The following COL11A1 variants were observed in gnomAD, a reference collection of about 807,000 sequenced individuals.
The protein encoded by COL11A1 is collagen alpha-1(XI) chain.
A neutral mutation model predicts 265.2 loss-of-function variants in COL11A1; 74 were observed. The ratio of observed to expected loss-of-function variants is 0.28; its 90% CI spans 0.23 to 0.34. The LOEUF (loss-of-function observed/expected upper bound fraction) is 0.34. Ranked by LOEUF, COL11A1 falls within the 10% of genes least tolerant of loss-of-function variation. The pLI, the probability that COL11A1 is intolerant of heterozygous loss-of-function variation, is 1.00. For synonymous variants in COL11A1, 816 were observed against 727.6 expected (o/e 1.12, Z -1.96); for missense variants, 2,165 against 2,263.6 (o/e 0.96, Z 0.88).
intron 66 of COL11A1, 122 bp from the exon 67 acceptor site, chr1:102,878,287 A>ATTTGT: frequency 7.7e-6 from 6 of 784,126 alleles, no homozygotes; most frequent in Non-Finnish European, 1.2e-5. Context: ...AGAAAAACAA[A>ATTTGT]TTTTCTATTA....
chr1:102,939,151 C>A (rs373340773), intron 43 of COL11A1, 63 bp from the exon 44 acceptor site: 6 of 1,363,728 alleles, frequency 4.4e-6, no homozygotes, highest in Non-Finnish European at 6.3e-6. Context: ...TCTTAATTAT[C>A]ATCAAACAGT....
intron 41 of COL11A1, among the ~76,000 whole-genome samples, chr1:102,951,626 G>C (rs1344704954): frequency 6.6e-6 from 1 of 152,106 alleles, no homozygotes; most frequent in East Asian, 1.9e-4. Flanking sequence ...GATAGTCCCA[G>C]CTACTCGGGA....
chr1:102,981,397 G>GT (rs564944060), intron 31 of COL11A1, among the ~76,000 whole-genome samples: 1 of 91,254 alleles, frequency 1.1e-5, no homozygotes, highest in Non-Finnish European at 2.6e-5. Context: ...AAAATTTTGA[G>GT]GGGGGGGACA....
intron 3 of COL11A1, among the ~76,000 whole-genome samples, chr1:103,075,109 G>A (rs1368379253): frequency 6.6e-6 from 1 of 152,110 alleles, no homozygotes; most frequent in African/African-American, 2.4e-5. Context: ...ATTTGATAGA[G>A]ATTAGGGTGG....
intron 5 of COL11A1, among the ~76,000 whole-genome samples, chr1:103,029,021 T>C (rs1325508914): frequency 6.6e-6 from 1 of 152,074 alleles, no homozygotes; most frequent in East Asian, 1.9e-4. Flanking sequence ...GATGATATTA[T>C]GATTAAATTA....
chr1:103,080,798 T>G (rs572528856), intron 2 of COL11A1, among the ~76,000 whole-genome samples: 3 of 152,002 alleles, frequency 2.0e-5, no homozygotes, highest in African/African-American at 7.2e-5. Context: ...TCAATCGCAC[T>G]ACTGAGTATA....
chr1:103,083,084 C>T, intron 1 of COL11A1, 112 bp from the exon 2 acceptor site: 1 of 1,022,816 alleles, frequency 9.8e-7, no homozygotes, highest in Non-Finnish European at 1.4e-6. Context: ...CTATTTATCA[C>T]TTGCCATGCT....
At chr1:102,947,065 C>T (rs1659370124) in intron 41 of COL11A1, 109 bp from the exon 42 acceptor site, 1 of 938,414 alleles carries the variant, frequency 1.1e-6, no homozygotes, top group African/African-American at 1.7e-5. Flanking sequence ...GTTAAAGAAA[C>T]ATTTAGAGTT....
At chr1:103,064,971 T>G (rs1670985577) in intron 4 of COL11A1, among the ~76,000 whole-genome samples, 1 of 152,056 alleles carries the variant, frequency 6.6e-6, no homozygotes, top group African/African-American at 2.4e-5. Context: ...ATATGGTGAG[T>G]ACATGTCATT....
chr1:102,985,905 C>A (rs1281178680), intron 30 of COL11A1, among the ~76,000 whole-genome samples: 1 of 152,082 alleles, frequency 6.6e-6, no homozygotes, highest in Admixed American at 6.6e-5. Context: ...TATAACATTG[C>A]TCATTAATTT....
chr1:102,883,115 CAG>C, intron 64 of COL11A1, 82 bp downstream of exon 64: 1 of 863,764 alleles, frequency 1.2e-6, no homozygotes, highest in Non-Finnish European at 2.0e-6. Context: ...GAAAATATGA[CAG>C]TATAATTTTC....
At chr1:102,904,294 T>C (rs1007799951) in intron 54 of COL11A1, among the ~76,000 whole-genome samples, 6 of 152,068 alleles carry the variant, frequency 3.9e-5, no homozygotes, top group Admixed American at 6.6e-5. Context: ...TAGGCAATAC[T>C]ATTCAGGACA....
At chr1:103,051,756 C>T (rs549800530) in intron 4 of COL11A1, among the ~76,000 whole-genome samples, 2 of 152,180 alleles carry the variant, frequency 1.3e-5, no homozygotes, top group South Asian at 4.1e-4. Flanking sequence ...CTCCCTATAT[C>T]AATATTCTTA....
rs1472403226 is a variant in COL11A1, at chr1:102,964,277, G to A, written c.2916+1210C>T. ...AAGTATAATAGGAATAATTTTTCTA[G>A]TTAAATTTTCTCACAGAAAATAGTT... On this transcript the variant is annotated intron_variant, in intron 38 of 66. Coordinates refer to ENST00000370096, the MANE Select transcript of COL11A1 (RefSeq NM_001854.4). 3.3e-5 allele frequency among the ~76,000 whole-genome samples: 5 copies of A among 152,172 alleles called. 1 individual carries two copies. The highest frequency in any genetic ancestry group is 1.2e-4 in the African/African-American group (5 of 41,540).
chr1:103,083,248 C>CTGAGTG (rs1672571465), intron 1 of COL11A1, among the ~76,000 whole-genome samples: 1 of 148,066 alleles, frequency 6.8e-6, no homozygotes, highest in Non-Finnish European at 1.5e-5. Flanking sequence ...GTGTCTGTGT[C>CTGAGTG]TGTGTGTGTG....
chr1:102,929,413 A>T (rs1213482540), intron 46 of COL11A1, among the ~76,000 whole-genome samples: 1 of 151,736 alleles, frequency 6.6e-6, no homozygotes, highest in Non-Finnish European at 1.5e-5. Context: ...GATATGCGGC[A>T]TTATTTCTGA....
chr1:103,081,801 A>T (rs1238088333), intron 2 of COL11A1, among the ~76,000 whole-genome samples: 1 of 151,960 alleles, frequency 6.6e-6, no homozygotes, highest in Admixed American at 6.6e-5. Context: ...TGCTGAGAAG[A>T]TCCCAAAGTG....
intron 63 of COL11A1, chr1:102,884,705 G>T (rs1160710609): frequency 6.6e-6 from 1 of 152,218 alleles, no homozygotes; most frequent in Non-Finnish European, 1.5e-5. Flanking sequence ...CCACCCCAAG[G>T]GAGGAATCAG....
At chr1:103,025,837 C>G in intron 6 of COL11A1, 1 of 1,613,514 alleles carries the variant, frequency 6.2e-7, no homozygotes, top group Non-Finnish European at 8.5e-7. Flanking sequence ...TGCTTGATAA[C>G]TTTTCTTCTT....
Sources: gnomAD v4.1 joint callset for allele counts (sites outside exome capture counted in the v4.1 genomes callset) on GRCh38, gnomAD v4.1.1 for gene constraint, MANE v1.5 for transcripts, NCBI Gene and HGNC (gene_info 2026-07-23, HGNC 2026-07-21) for gene names.